The following PTPRD variants were observed in gnomAD, a reference collection of about 807,000 sequenced individuals.
The protein encoded by PTPRD is receptor-type tyrosine-protein phosphatase delta.
In PTPRD, 34 loss-of-function variants were observed where a neutral mutation model predicts 214.5. The observed-to-expected ratio is 0.16, with a 90% CI of 0.12 to 0.21. PTPRD has a LOEUF of 0.21. PTPRD is among the 10% of genes least tolerant of loss of function. The pLI is 1.00. For missense variants in PTPRD, 2,545 were observed against 2,398.7 expected, an observed-to-expected ratio of 1.06 and a Z score of -1.27; for synonymous variants, 1,128 against 845.7, an observed-to-expected ratio of 1.33 and a Z score of -5.79.
chr9:9,320,572 C>T (rs1195496267), intron 9 of PTPRD, among the ~76,000 whole-genome samples: 1 of 152,158 alleles, frequency 6.6e-6, no homozygotes, highest in Non-Finnish European at 1.5e-5. Flanking sequence ...CACCGACTCT[C>T]TGAGGAAAAC....
At chr9:10,197,322 G>C (rs951230529) in intron 3 of PTPRD, among the ~76,000 whole-genome samples, 1 of 152,094 alleles carries the variant, frequency 6.6e-6, no homozygotes, top group African/African-American at 2.4e-5. Flanking sequence ...ATTAAACTGA[G>C]TTTAAAATAT....
chr9:8,773,004 C>A (rs1299532086), intron 11 of PTPRD, among the ~76,000 whole-genome samples: 1 of 151,968 alleles, frequency 6.6e-6, no homozygotes, highest in Non-Finnish European at 1.5e-5. Flanking sequence ...TGAAGCAAAA[C>A]CCTTGTTCTA....
intron 3 of PTPRD, among the ~76,000 whole-genome samples, chr9:10,139,688 A>T (rs898439376): frequency 1.3e-5 from 2 of 152,078 alleles, no homozygotes; most frequent in African/African-American, 4.8e-5. Context: ...GACAAAAACC[A>T]GACACACTGG....
At chr9:9,041,566 T>C (rs1274162689) in intron 10 of PTPRD, among the ~76,000 whole-genome samples, 1 of 152,208 alleles carries the variant, frequency 6.6e-6, no homozygotes, top group East Asian at 1.9e-4. Context: ...GATGGCTGCA[T>C]AGTAAGAATT....
intron 2 of PTPRD, among the ~76,000 whole-genome samples, chr9:10,563,253 G>A (rs1448604502): frequency 6.6e-6 from 1 of 152,172 alleles, no homozygotes; most frequent in Non-Finnish European, 1.5e-5. Flanking sequence ...TTAAAATCCA[G>A]CTGGCAGAAA....
chr9:9,479,972 G>C (rs1046681272), intron 8 of PTPRD, among the ~76,000 whole-genome samples: 3 of 152,116 alleles, frequency 2.0e-5, no homozygotes, highest in Non-Finnish European at 2.9e-5. Context: ...TCATGCCATG[G>C]ACTGCTACAT....
At chr9:9,482,490 T>A (rs62533200) in intron 8 of PTPRD, among the ~76,000 whole-genome samples, 1 of 152,144 alleles carries the variant, frequency 6.6e-6, no homozygotes, top group South Asian at 2.1e-4. Flanking sequence ...AGAATTGTTC[T>A]TTTCTTTCAT....
intron 9 of PTPRD, among the ~76,000 whole-genome samples, chr9:9,266,334 G>A (rs192149520): frequency 6.6e-6 from 1 of 151,210 alleles, no homozygotes. Context: ...CCCATTTTGA[G>A]CAATAAATAG....
intron 2 of PTPRD, among the ~76,000 whole-genome samples, chr9:10,455,190 G>A (rs181644687): frequency 4.0e-5 from 6 of 151,684 alleles, no homozygotes; most frequent in Non-Finnish European, 7.4e-5. Context: ...GCCTCCTCTG[G>A]AGCCTCTGTA....
intron 8 of PTPRD, among the ~76,000 whole-genome samples, chr9:9,572,888 A>G (rs2086979317): frequency 6.6e-6 from 1 of 151,386 alleles, no homozygotes; most frequent in African/African-American, 2.4e-5. Context: ...AGGATGAAAA[A>G]CCCCGGTGTC....
chr9:9,346,610 AG>A (rs1307340736), intron 9 of PTPRD, among the ~76,000 whole-genome samples: 4 of 152,136 alleles, frequency 2.6e-5, no homozygotes, highest in Non-Finnish European at 5.9e-5. Context: ...ATGTATATAA[AG>A]CACTCTATAA....
intron 10 of PTPRD, among the ~76,000 whole-genome samples, chr9:9,153,122 T>C (rs1054106301): frequency 6.6e-6 from 1 of 152,344 alleles, no homozygotes; most frequent in East Asian, 1.9e-4. Context: ...CTCCTGTGCG[T>C]TCACGAAATG....
At chr9:8,970,910 CAAAACAA>C (rs779546769) in intron 11 of PTPRD, among the ~76,000 whole-genome samples, 9 of 7,186 alleles carry the variant, frequency 1.3e-3, no homozygotes, top group Admixed American at 2.7e-3. Context: ...CAAAACAAAA[CAAAACAA>C]AACAACAACA....
chr9:8,878,094 G>C (rs937552594), intron 11 of PTPRD, among the ~76,000 whole-genome samples: 1 of 152,148 alleles, frequency 6.6e-6, no homozygotes, highest in Non-Finnish European at 1.5e-5. Flanking sequence ...GAAGTGGTTT[G>C]TATTAATCCT....
chr9:9,385,359 A>G (rs1164125075), intron 9 of PTPRD, among the ~76,000 whole-genome samples: 1 of 152,140 alleles, frequency 6.6e-6, no homozygotes, highest in African/African-American at 2.4e-5. Flanking sequence ...GGTCCCAGAG[A>G]GTAAAATAAA....
chr9:8,484,506 G>A (rs1421354187), intron 29 of PTPRD, 128 bp from the exon 30 acceptor site: 1 of 909,976 alleles, frequency 1.1e-6, no homozygotes, highest in African/African-American at 1.7e-5. Context: ...TGATTTCTAA[G>A]TCCATGAGTA....
intron 30 of PTPRD, among the ~76,000 whole-genome samples, chr9:8,483,807 C>CAA (rs533525214): frequency 8.2e-5 from 7 of 85,348 alleles, no homozygotes; most frequent in African/African-American, 2.4e-4. Flanking sequence ...AAAACAAAAA[C>CAA]AAACAAACAA....
At chr9:8,846,100 G>C (rs969396419) in intron 11 of PTPRD, among the ~76,000 whole-genome samples, 1 of 152,206 alleles carries the variant, frequency 6.6e-6, no homozygotes, top group Non-Finnish European at 1.5e-5. Flanking sequence ...CATATGAGTA[G>C]ATACACACAC....
At chr9:8,467,186 T>C (rs2096561411) in intron 31 of PTPRD, among the ~76,000 whole-genome samples, 1 of 151,896 alleles carries the variant, frequency 6.6e-6, no homozygotes, top group South Asian at 2.1e-4. Flanking sequence ...ACATGAAATG[T>C]AAGCTGTTTT....
Sources: gnomAD v4.1 joint callset for allele counts (sites outside exome capture counted in the v4.1 genomes callset) on GRCh38, gnomAD v4.1.1 for gene constraint, MANE v1.5 for transcripts, NCBI Gene and HGNC (gene_info 2026-07-23, HGNC 2026-07-21) for gene names.